The following GPHN variants were observed in gnomAD, a reference collection of about 807,000 sequenced individuals.
GPHN encodes gephyrin.
GPHN carries 17 observed loss-of-function variants against 95.5 expected under a neutral mutation model. The observed-to-expected ratio is 0.18, with a 90% CI of 0.12 to 0.27. The LOEUF is 0.27. GPHN is among the 10% of genes least tolerant of loss of function. The probability of loss-of-function intolerance (pLI) is 1.00; values close to 1 mark genes in which losing one functional copy is unlikely to be tolerated. For synonymous variants in GPHN, 320 were observed against 322.5 expected (o/e 0.99, Z 0.08); for missense variants, 660 against 978.1 (o/e 0.67, Z 4.34).
chr14:67,587,014 G>C, the GPHN span: 4 of 1,530,766 alleles, frequency 2.6e-6, no homozygotes, highest in Non-Finnish European at 3.5e-6. Context: ...TAATAAGTAA[G>C]AAAGCCAGGA....
At chr14:66,584,755 A>G (rs1168559319) in intron 1 of GPHN, among the ~76,000 whole-genome samples, 1 of 152,084 alleles carries the variant, frequency 6.6e-6, no homozygotes, top group East Asian at 1.9e-4. Flanking sequence ...ATCATGGTGG[A>G]TAAGCTTTTT....
At chr14:67,317,300 A>C in the GPHN span, 2 of 1,022,028 alleles carry the variant, frequency 2.0e-6, no homozygotes, top group South Asian at 3.5e-5. Flanking sequence ...TCGTTTCTGC[A>C]AAAAAATTTA....
intron 9 of GPHN, among the ~76,000 whole-genome samples, chr14:66,999,957 A>T (rs2072101369): frequency 6.6e-6 from 1 of 151,806 alleles, no homozygotes; most frequent in Admixed American, 6.6e-5. Flanking sequence ...AACCCTTTAC[A>T]GCCTTATCTT....
At chr14:67,408,295 TAAATAAAATAAAATAAAATA>T in the GPHN span, among the ~76,000 whole-genome samples, 2,789 of 116,714 alleles carry the variant, frequency 0.024, 46 homozygotes, top group South Asian at 0.069. Context: ...TCAAAATAAA[TAAATAAAATAAAATAAAATA>T]AAATAAAATA....
intron 10 of GPHN, among the ~76,000 whole-genome samples, chr14:67,025,882 AC>A (rs1337122176): frequency 6.6e-6 from 1 of 152,120 alleles, no homozygotes; most frequent in Non-Finnish European, 1.5e-5. Flanking sequence ...AGCTCTCACA[AC>A]CCCTTGCCTT....
chr14:67,335,627 T>G, the GPHN span: 11 of 152,672 alleles, frequency 7.2e-5, no homozygotes, highest in Admixed American at 1.3e-4. Context: ...AAGGAATGAT[T>G]TGAATGTAAT....
intron 1 of GPHN, among the ~76,000 whole-genome samples, chr14:66,583,003 A>G (rs1394700444): frequency 2.0e-5 from 3 of 152,144 alleles, no homozygotes; most frequent in Admixed American, 6.5e-5. Flanking sequence ...TCCCACCAAC[A>G]GTGTAAAAGT....
the GPHN span, among the ~76,000 whole-genome samples, chr14:67,686,728 GGAAAAC>G: frequency 6.6e-6 from 1 of 151,614 alleles, no homozygotes; most frequent in Admixed American, 6.6e-5. Flanking sequence ...AATCCTTTAT[GGAAAAC>G]GCTGGGGCCA....
the GPHN span, among the ~76,000 whole-genome samples, chr14:67,344,601 G>A: frequency 2.0e-5 from 3 of 152,146 alleles, no homozygotes; most frequent in Non-Finnish European, 4.4e-5. Context: ...AAACTGGGCT[G>A]GGTGAGGTGG....
chr14:67,188,872 A>G, the GPHN span, among the ~76,000 whole-genome samples: 2 of 140,160 alleles, frequency 1.4e-5, no homozygotes, highest in East Asian at 2.1e-4. Flanking sequence ...CTTTCTTTCA[A>G]TAGAAATGGG....
chr14:66,632,143 G>A (rs957441617), intron 1 of GPHN, among the ~76,000 whole-genome samples: 1 of 152,164 alleles, frequency 6.6e-6, no homozygotes, highest in African/African-American at 2.4e-5. Context: ...ATAAAGAGGG[G>A]AGAGCAATGT....
chr14:66,755,596 G>A (rs1018819071), intron 2 of GPHN, among the ~76,000 whole-genome samples: 7 of 151,760 alleles, frequency 4.6e-5, no homozygotes, highest in Non-Finnish European at 1.0e-4. Flanking sequence ...ATGATTTATG[G>A]TTCTGTAAAA....
chr14:67,064,192 A>G (rs970603747), intron 11 of GPHN, among the ~76,000 whole-genome samples: 1 of 152,124 alleles, frequency 6.6e-6, no homozygotes, highest in African/African-American at 2.4e-5. Context: ...TGAGATAATC[A>G]TGTGGTTTTT....
At chr14:66,871,528 A>T (rs2063433383) in intron 4 of GPHN, among the ~76,000 whole-genome samples, 1 of 152,226 alleles carries the variant, frequency 6.6e-6, no homozygotes, top group African/African-American at 2.4e-5. Context: ...ACCTCCATAA[A>T]GCAATTTATA....
At chr14:66,676,228 T>G (rs2066580126) in intron 1 of GPHN, among the ~76,000 whole-genome samples, 1 of 152,098 alleles carries the variant, frequency 6.6e-6, no homozygotes, top group African/African-American at 2.4e-5. Context: ...TCAGGATTTT[T>G]TATATGTAAG....
intron 3 of GPHN, among the ~76,000 whole-genome samples, chr14:66,822,761 T>A (rs2061246719): frequency 6.6e-6 from 1 of 152,162 alleles, no homozygotes; most frequent in Non-Finnish European, 1.5e-5. Flanking sequence ...AGATAAACAT[T>A]TTGGTGTTGA....
rs557951227 is a variant in GPHN at position 66,894,488 on chromosome 14, C to T, written c.389+14455C>T. 6.2e-4 allele frequency among the ~76,000 whole-genome samples: 94 copies of T among 152,230 alleles called. 1 individual carries two copies. The highest frequency in any genetic ancestry group is 1.9e-3 in the African/African-American group (78 of 41,524). ...ATGTCTAAAACACCAAAAGCAATGG[C>T]AACATAAGCAAAATTGACAAATGGG... is the stretch of plus-strand genomic sequence containing the variant. On this transcript the variant is annotated intron_variant, in intron 5 of 22. Coordinates refer to ENST00000478722, the MANE Select transcript of GPHN (RefSeq NM_020806.5).
chr14:67,285,994 C>T, the GPHN span, among the ~76,000 whole-genome samples: 2 of 152,026 alleles, frequency 1.3e-5, no homozygotes, highest in South Asian at 2.1e-4. Flanking sequence ...TTAAATGTTG[C>T]GTGAAATATT....
Position 67,140,385 on chromosome 14 carries a change from A to C in GPHN, c.1749-2977A>C, listed in dbSNP as rs1266272681. Among the ~76,000 whole-genome samples the C allele has an allele frequency of 6.6e-5, 5 of 75,350 alleles. No homozygotes were observed. The Admixed American group carries it at 8.3e-4, about 12-fold the overall frequency. 49.4% of individuals were successfully genotyped at this position (75,350 alleles called of 152,430 possible). A position where few individuals can be genotyped will look rare whatever the true frequency, so the allele number is the denominator to read the frequency against. On this transcript the variant is annotated intron_variant, in intron 17 of 22. Coordinates refer to ENST00000478722, the MANE Select transcript of GPHN (RefSeq NM_020806.5). The stretch of plus-strand genomic sequence containing the variant: ...GGCAACAAGAGCAAGACTCCATCTA[A>C]AAAAAAAAAAAAAAAGTACGATAAA...
Sources: allele counts gnomAD v4.1 joint callset (sites outside exome capture counted in the v4.1 genomes callset), GRCh38; gene constraint gnomAD v4.1.1; transcripts MANE v1.5; gene names NCBI Gene and HGNC (gene_info 2026-07-23, HGNC 2026-07-21).